Variants in SEMA3D observed in about 807,000 individuals in gnomAD.
SEMA3D encodes the protein semaphorin 3D.
In SEMA3D, 84 loss-of-function variants were observed where a neutral mutation model predicts 100.1. That is an observed-to-expected ratio of 0.84 (90% CI 0.70 to 1.01). SEMA3D has a LOEUF of 1.01. SEMA3D is among the 50% of genes least tolerant of loss of function. The pLI, the probability that SEMA3D is intolerant of heterozygous loss-of-function variation, is 0.00. For synonymous variants in SEMA3D, 312 were observed against 320.7 expected (o/e 0.97, Z 0.29); for missense variants, 875 against 934.1 (o/e 0.94, Z 0.82).
At chr7:85,106,209 T>C (rs1788914806) in intron 3 of SEMA3D, among the ~76,000 whole-genome samples, 1 of 152,090 alleles carries the variant, frequency 6.6e-6, no homozygotes, top group South Asian at 2.1e-4. Context: ...TTGATACTAC[T>C]TTTACAATTG....
intron 3 of SEMA3D, among the ~76,000 whole-genome samples, chr7:85,108,567 A>G (rs920842232): frequency 2.0e-5 from 3 of 152,022 alleles, no homozygotes; most frequent in African/African-American, 7.2e-5. Context: ...ATTTCAAACA[A>G]GATTTCAGAT....
At chr7:85,153,114 C>T (rs1790476731) in intron 2 of SEMA3D, among the ~76,000 whole-genome samples, 2 of 152,250 alleles carry the variant, frequency 1.3e-5, no homozygotes, top group Non-Finnish European at 2.9e-5. Context: ...CCACAGTCCT[C>T]CCTGCAGAGC....
intron 3 of SEMA3D, among the ~76,000 whole-genome samples, chr7:85,114,308 AG>A (rs1214431056): frequency 6.6e-6 from 1 of 152,226 alleles, no homozygotes; most frequent in Non-Finnish European, 1.5e-5. Flanking sequence ...GATTTTATAA[AG>A]AAGAGGTAGA....
intron 3 of SEMA3D, among the ~76,000 whole-genome samples, chr7:85,121,345 G>A (rs1789407501): frequency 1.3e-5 from 2 of 152,030 alleles, no homozygotes; most frequent in Admixed American, 1.3e-4. Flanking sequence ...AGAACTTGAA[G>A]CTATCCTGCT....
the SEMA3D span, among the ~76,000 whole-genome samples, chr7:85,199,390 T>A: frequency 6.6e-5 from 10 of 152,170 alleles, no homozygotes; most frequent in Non-Finnish European, 1.3e-4. Flanking sequence ...TTAGTGTTTT[T>A]CAGTTTCCTT....
intron 1 of SEMA3D, among the ~76,000 whole-genome samples, chr7:85,163,295 GA>G (rs886951020): frequency 6.6e-6 from 1 of 152,054 alleles, no homozygotes; most frequent in Non-Finnish European, 1.5e-5. Context: ...TGAAAAAGGA[GA>G]AAGTAATATC....
the SEMA3D span, among the ~76,000 whole-genome samples, chr7:85,244,707 T>TC: frequency 6.8e-5 from 9 of 132,254 alleles, no homozygotes; most frequent in African/African-American, 2.4e-4. Flanking sequence ...TACTGCACAA[T>TC]CTTTTTTTTT....
In SEMA3D at chr7:85,012,687, T is replaced by A. The variant is rs1344240260; in HGVS notation, c.1768+95A>T. ...GCATTACACAAAATGGAGATATTCT[T>A]ATATAATAGATGGTTTAAGTCATAT... is the stretch of plus-strand genomic sequence containing the variant. On this transcript the variant is annotated intron_variant, in intron 17 of 18. Transcript: ENST00000284136. 1.3e-5 allele frequency: 12 copies of A among 912,040 alleles called. No homozygotes were observed. The African/African-American group carries it at 2.0e-4, about 15-fold the overall frequency. 56.5% of individuals were successfully genotyped at this position (912,040 alleles called of 1,614,324 possible).
intron 4 of SEMA3D, among the ~76,000 whole-genome samples, chr7:85,088,018 G>A (rs1221062457): frequency 2.0e-5 from 3 of 152,046 alleles, no homozygotes; most frequent in African/African-American, 7.2e-5. Context: ...AGTGTAAACT[G>A]TCTGAATTTA....
At position 85,006,806 on chromosome 7, in the gene SEMA3D, T is replaced by G. The variant is rs1220994906; in HGVS notation, c.1904A>C (p.Glu635Ala). ...YIQRSGDEHR[E>A]ELKPDERIIK... ...TCTTTGATGACAACAGCTTACCTCC[T>G]CTCGATGCTCATCCCCTGACCTCTG... Residue 635 changes from glutamate (E) to alanine (A), a missense_variant, in exon 18 of 19, where the codon GAG becomes GCG. Physicochemically the swap from Glu to Ala is moderately radical, Grantham distance 107. Coordinates refer to ENST00000284136, the MANE Select transcript of SEMA3D (RefSeq NM_001384900.1). 9 of 1,590,544 alleles carry G rather than the reference T, an allele frequency of 5.7e-6. No homozygotes were observed. The highest frequency in any genetic ancestry group is 2.6e-6 in the Non-Finnish European group (3 of 1,166,650).
At chr7:85,142,337 T>C (rs1790075913) in intron 2 of SEMA3D, 2 of 946,900 alleles carry the variant, frequency 2.1e-6, no homozygotes, top group Admixed American at 6.2e-5. Flanking sequence ...GTTAATTCCA[T>C]ATGAATTTTA....
intron 6 of SEMA3D, among the ~76,000 whole-genome samples, chr7:85,071,115 A>G (rs181840357): frequency 6.6e-6 from 1 of 152,302 alleles, no homozygotes; most frequent in Admixed American, 6.5e-5. Context: ...CCCCCTCAGC[A>G]GGTTGCGAGT....
the SEMA3D span, among the ~76,000 whole-genome samples, chr7:85,195,455 C>G: frequency 1.3e-5 from 2 of 151,540 alleles, no homozygotes; most frequent in African/African-American, 4.9e-5. Context: ...TTTTTTGAGA[C>G]AGTGTCACCC....
the SEMA3D span, among the ~76,000 whole-genome samples, chr7:85,219,289 G>A: frequency 6.6e-6 from 1 of 151,914 alleles, no homozygotes; most frequent in Non-Finnish European, 1.5e-5. Flanking sequence ...GAAAGAAGAG[G>A]TACCTATGAC....
intron 4 of SEMA3D, among the ~76,000 whole-genome samples, chr7:85,086,664 A>G (rs907096943): frequency 6.0e-5 from 9 of 148,860 alleles, no homozygotes; most frequent in African/African-American, 1.2e-4. Flanking sequence ...GTGTGTGTGT[A>G]TAGATGCATG....
At chr7:85,080,555 C>G (rs1329425726) in intron 5 of SEMA3D, among the ~76,000 whole-genome samples, 1 of 152,118 alleles carries the variant, frequency 6.6e-6, no homozygotes, top group Non-Finnish European at 1.5e-5. Flanking sequence ...GCAAAAGAAG[C>G]CTCAAGATGT....
At chr7:85,180,212 T>C (rs1005412700) in intron 1 of SEMA3D, among the ~76,000 whole-genome samples, 1 of 152,176 alleles carries the variant, frequency 6.6e-6, no homozygotes, top group African/African-American at 2.4e-5. Context: ...ATGCTGTTCT[T>C]ATGATAGTGA....
At chr7:85,200,977 C>G in the SEMA3D span, among the ~76,000 whole-genome samples, 1 of 152,208 alleles carries the variant, frequency 6.6e-6, no homozygotes, top group African/African-American at 2.4e-5. Flanking sequence ...AATTTCTCTT[C>G]TCTTTGAATT....
chr7:85,163,210 C>T (rs918178597), intron 1 of SEMA3D: 3 of 152,604 alleles, frequency 2.0e-5, no homozygotes, highest in African/African-American at 4.8e-5. Context: ...CCTGGTTCCA[C>T]ATTCTATCTT....
Sources: allele counts gnomAD v4.1 joint callset (sites outside exome capture counted in the v4.1 genomes callset), GRCh38; gene constraint gnomAD v4.1.1; transcripts MANE v1.5; gene names NCBI Gene and HGNC (gene_info 2026-07-23, HGNC 2026-07-21).